The following CYP7B1 variants were observed in gnomAD, a reference collection of about 807,000 sequenced individuals.
The protein encoded by CYP7B1 is cytochrome P450 7B1.
In CYP7B1, 29 loss-of-function variants were observed where a neutral mutation model predicts 42.7. That is an observed-to-expected ratio of 0.68 (90% confidence interval 0.51 to 0.93). The LOEUF is 0.93. Ranked by LOEUF, CYP7B1 falls within the 40% of genes least tolerant of loss-of-function variation. CYP7B1 has a pLI of 0.00. For synonymous variants in CYP7B1, 235 were observed against 218.2 expected, an observed-to-expected ratio of 1.08 and a Z score of -0.68; for missense variants, 655 against 600.5, an observed-to-expected ratio of 1.09 and a Z score of -0.95.
chr8:64,722,655 T>G (rs563442465), intron 1 of CYP7B1, among the ~76,000 whole-genome samples: 2 of 145,488 alleles, frequency 1.4e-5, no homozygotes, highest in Non-Finnish European at 3.0e-5. Context: ...CAACTCCTGA[T>G]GCTTACCTAG....
rs184505026 is a variant in CYP7B1 at position 64,612,219 on chromosome 8, T to C, written c.1057+2807A>G. On this transcript the variant is annotated intron_variant, in intron 4 of 5. Coordinates refer to ENST00000310193, the MANE Select transcript of CYP7B1 (RefSeq NM_004820.5). ...ATTTTTTTCTGAGATAACTGAAAAA[T>C]TCTTACTTTTCTCTCAGAGTTTCTC... Among the ~76,000 whole-genome samples the C allele has an allele frequency of 2.4e-4, 36 of 152,178 alleles. No homozygotes were observed. The East Asian group carries it at 6.8e-3, about 29-fold the overall frequency.
Position 64,604,798 on chromosome 8 carries a change from C to G in CYP7B1, c.1117G>C (p.Glu373Gln), listed in dbSNP as rs1484043098. The G allele has an allele frequency of 2.5e-6, 4 of 1,613,974 alleles. No individual in the cohort carries two copies. Among genetic ancestry groups the G allele is most frequent in the Non-Finnish European group, 3.4e-6 (4 of 1,180,054 alleles). Reference protein sequence around the residue: ...SSYSTTIRFVEEDLTLSSETG... With the variant: ...SSYSTTIRFVQEDLTLSSETG... The stretch of plus-strand genomic sequence containing the variant: ...TCTGAACTGAGAGTCAAATCCTCCT[C>G]AACAAAACGAATGGTGGTTGAATAT... Residue 373 changes from glutamate to glutamine, a missense_variant, in exon 5 of 6, where the codon GAG becomes CAG. Coordinates refer to ENST00000310193, the MANE Select transcript of CYP7B1 (RefSeq NM_004820.5).
chr8:64,660,321 G>A (rs1563380696), intron 1 of CYP7B1, among the ~76,000 whole-genome samples: 1 of 152,118 alleles, frequency 6.6e-6, no homozygotes, highest in Non-Finnish European at 1.5e-5. Context: ...TAAACCAATA[G>A]GCTTAAAACA....
chr8:64,778,223 ATG>A (rs1804359882), intron 1 of CYP7B1, among the ~76,000 whole-genome samples: 2 of 148,064 alleles, frequency 1.4e-5, no homozygotes, highest in African/African-American at 2.5e-5. Flanking sequence ...ATATTTATAC[ATG>A]TGTGTGTATA....
chr8:64,619,233 T>C (rs756861464), intron 2 of CYP7B1, among the ~76,000 whole-genome samples: 43 of 152,206 alleles, frequency 2.8e-4, no homozygotes, highest in Non-Finnish European at 5.6e-4. Context: ...TGAATTTAAA[T>C]TTCTTAACAA....
At chr8:64,691,344 C>G (rs569813756) in intron 1 of CYP7B1, among the ~76,000 whole-genome samples, 4 of 152,204 alleles carry the variant, frequency 2.6e-5, no homozygotes, top group African/African-American at 2.4e-5. Context: ...AAATGGCTAC[C>G]TACCTTCTCC....
chr8:64,629,669 G>T (rs770470036), intron 1 of CYP7B1, among the ~76,000 whole-genome samples: 1 of 151,802 alleles, frequency 6.6e-6, no homozygotes, highest in African/African-American at 2.4e-5. Context: ...GACTTACTTT[G>T]GCAGCAACCT....
intron 1 of CYP7B1, among the ~76,000 whole-genome samples, chr8:64,650,877 A>G (rs1411203631): frequency 6.6e-6 from 1 of 152,126 alleles, no homozygotes; most frequent in East Asian, 1.9e-4. Context: ...ACCTTCTTCT[A>G]GAGTATTCTG....
chr8:64,636,264 T>C (rs569617954), intron 1 of CYP7B1, among the ~76,000 whole-genome samples: 2 of 152,250 alleles, frequency 1.3e-5, no homozygotes, highest in South Asian at 4.1e-4. Flanking sequence ...GTGGCTCAGC[T>C]CCCAGGCTCT....
chr8:64,718,895 A>G (rs896722670), intron 1 of CYP7B1, among the ~76,000 whole-genome samples: 2 of 152,088 alleles, frequency 1.3e-5, no homozygotes, highest in African/African-American at 2.4e-5. Flanking sequence ...GGGCAGGGTT[A>G]CCCCCTCAAA....
At chr8:64,684,854 G>A (rs1292719622) in intron 1 of CYP7B1, among the ~76,000 whole-genome samples, 1 of 152,176 alleles carries the variant, frequency 6.6e-6, no homozygotes, top group Non-Finnish European at 1.5e-5. Flanking sequence ...AGACATTTGG[G>A]AAAGGCAATG....
At chr8:64,590,275 G>C (rs977668086), downstream of CYP7B1, among the ~76,000 whole-genome samples, 1 of 152,176 alleles carries the variant, frequency 6.6e-6, no homozygotes, top group African/African-American at 2.4e-5. Flanking sequence ...ACTCACACCA[G>C]TGTCTCTGAG....
At chr8:64,627,913 T>C (rs945650299) in intron 1 of CYP7B1, among the ~76,000 whole-genome samples, 2 of 152,192 alleles carry the variant, frequency 1.3e-5, no homozygotes. Context: ...ATCACCATAA[T>C]GATCGAGAAA....
At chr8:64,624,951 CTTTTTTTTTTTTTTTTTTTTTTTTTTT>C (rs71260892) in intron 1 of CYP7B1, among the ~76,000 whole-genome samples, 2 of 54,022 alleles carry the variant, frequency 3.7e-5, no homozygotes, top group African/African-American at 1.0e-4. Context: ...TTATATCATT[CTTTTTTTTTTTTTTTTTTTTTTTTTTT>C]TTTTTTTTTT....
chr8:64,625,546 G>A (rs4452822), intron 1 of CYP7B1, among the ~76,000 whole-genome samples: 75,724 of 152,072 alleles, frequency 0.5, 20,232 homozygotes, highest in Non-Finnish European at 0.58. Context: ...TCTTTCACAA[G>A]TCATGTTATA....
chr8:64,669,242 T>C (rs79473864), intron 1 of CYP7B1, among the ~76,000 whole-genome samples: 11,371 of 152,170 alleles, frequency 0.075, 489 homozygotes, highest in South Asian at 0.16. Context: ...CTATTAGCAC[T>C]TTTCAGCTCT....
At chr8:64,720,365 G>T (rs1395299067) in intron 1 of CYP7B1, among the ~76,000 whole-genome samples, 1 of 152,164 alleles carries the variant, frequency 6.6e-6, no homozygotes, top group East Asian at 1.9e-4. Context: ...AAATGAAAAA[G>T]TCAAGAGACT....
chr8:64,681,660 G>A (rs745343261), intron 1 of CYP7B1, among the ~76,000 whole-genome samples: 1 of 152,288 alleles, frequency 6.6e-6, no homozygotes, highest in South Asian at 2.1e-4. Context: ...TCTGGCCCAT[G>A]ACCAGCAAGG....
chr8:64,648,912 C>G (rs892131921), intron 1 of CYP7B1, among the ~76,000 whole-genome samples: 4 of 152,132 alleles, frequency 2.6e-5, no homozygotes, highest in Non-Finnish European at 5.9e-5. Flanking sequence ...TGAATGATAC[C>G]TTGTCATAGC....
Sources: allele counts gnomAD v4.1 joint callset (sites outside exome capture counted in the v4.1 genomes callset), GRCh38; gene constraint gnomAD v4.1.1; transcripts MANE v1.5; gene names NCBI Gene and HGNC (gene_info 2026-07-23, HGNC 2026-07-21).